CNTNAP3: variants seen among roughly 807,000 people sequenced by gnomAD.
CNTNAP3 encodes the protein contactin-associated protein-like 3.
CNTNAP3 carries 36 observed loss-of-function variants against 92.1 expected under a neutral mutation model. The observed-to-expected ratio is 0.39, with a 90% confidence interval of 0.30 to 0.52. The LOEUF is 0.52. Among genes scored for constraint, CNTNAP3 ranks in the 20% least tolerant of loss-of-function variants. The pLI is 0.76. For missense variants in CNTNAP3, 534 were observed against 1,069.6 expected (o/e 0.50, Z 6.98); for synonymous variants, 232 against 422.3 (o/e 0.55, Z 5.53).
chr9:39,095,373 T>A (rs1421230070), intron 18 of CNTNAP3, among the ~76,000 whole-genome samples: 1 of 151,568 alleles, frequency 6.6e-6, no homozygotes, highest in African/African-American at 2.4e-5. Context: ...TAAATAGAGG[T>A]GGTAAAACTG....
chr9:39,127,090 A>G lies in CNTNAP3; in HGVS notation c.2080+5842T>C, dbSNP rs1358168491. ...TAAGCATAATGGAATCAAACTGGAAATCAATACCAGAAAGAGAAAAAGAAA... is the reference window on the plus strand; with the variant it reads ...TAAGCATAATGGAATCAAACTGGAAGTCAATACCAGAAAGAGAAAAAGAAA... On this transcript the variant is annotated intron_variant, in intron 13 of 23. Transcript: ENST00000297668. 7.9e-5 allele frequency among the ~76,000 whole-genome samples: 12 copies of G among 152,248 alleles called. 1 individual carries two copies. Among genetic ancestry groups the G allele is most frequent in the Middle Eastern group, 3.4e-3 (1 of 294 alleles).
intron 13 of CNTNAP3, among the ~76,000 whole-genome samples, chr9:39,132,445 G>A: frequency 6.6e-6 from 1 of 152,066 alleles, no homozygotes; most frequent in Non-Finnish European, 1.5e-5. Flanking sequence ...AATAACCCTA[G>A]TCATTATTTC....
At chr9:39,133,750 GATTA>G (rs1331354397) in intron 12 of CNTNAP3, among the ~76,000 whole-genome samples, 1 of 151,686 alleles carries the variant, frequency 6.6e-6, no homozygotes, top group Admixed American at 6.6e-5. Flanking sequence ...TCTGTCACTT[GATTA>G]CTTATATTGT....
intron 10 of CNTNAP3, among the ~76,000 whole-genome samples, chr9:39,146,589 T>C (rs369562952): frequency 1.3e-5 from 2 of 151,748 alleles, no homozygotes; most frequent in East Asian, 3.9e-4. Context: ...CTCGGGAGGC[T>C]GAGGCACGAG....
chr9:39,081,315 TG>T, intron 21 of CNTNAP3, among the ~76,000 whole-genome samples: 1 of 152,088 alleles, frequency 6.6e-6, no homozygotes, highest in South Asian at 2.1e-4. Context: ...CATGGCAACA[TG>T]GTCAAAACCC....
chr9:39,097,836 T>C (rs1826360836), intron 18 of CNTNAP3, among the ~76,000 whole-genome samples: 1 of 149,780 alleles, frequency 6.7e-6, no homozygotes, highest in Non-Finnish European at 1.5e-5. Context: ...TCATTTGATG[T>C]ATTTCCTTAG....
intron 12 of CNTNAP3, among the ~76,000 whole-genome samples, chr9:39,137,499 G>T (rs1035913661): frequency 1.3e-5 from 2 of 151,872 alleles, no homozygotes; most frequent in Non-Finnish European, 2.9e-5. Context: ...ATCTGACTCT[G>T]GTTTTTGTTT....
At position 39,099,902 on chromosome 9, in the gene CNTNAP3, C is replaced by T; in HGVS notation, c.2995+9G>A. 6.2e-7 allele frequency: 1 copy of T among 1,610,526 alleles called. No homozygotes were observed. Among genetic ancestry groups the T allele is most frequent in the Non-Finnish European group, 8.5e-7 (1 of 1,179,080 alleles). Reference sequence around the variant, plus strand: ...CTTTCCCTATAACCTGCTCCTTGGTCACACTTACCATTGGAGCAGAACGGC... The same window carrying T: ...CTTTCCCTATAACCTGCTCCTTGGTTACACTTACCATTGGAGCAGAACGGC... On this transcript the variant is annotated intron_variant, in intron 18 of 23. Transcript: ENST00000297668.
At chr9:39,120,661 T>C (rs866234178) in intron 13 of CNTNAP3, among the ~76,000 whole-genome samples, 33 of 152,124 alleles carry the variant, frequency 2.2e-4, no homozygotes, top group Admixed American at 5.9e-4. Flanking sequence ...CAGAGTGAGA[T>C]TCCATCTCCA....
intron 9 of CNTNAP3, chr9:39,159,641 TAGATAGATAGATAGATAGATAGATAG>T (rs1433330604): frequency 1.5e-5 from 2 of 137,324 alleles, no homozygotes; most frequent in African/African-American, 3.1e-5. Context: ...GATAGATAGA[TAGATAGATAGATAGATAGATAGATAG>T]ATAGATATAT....
chr9:39,286,039 TG>T (rs1454647692), intron 1 of CNTNAP3, among the ~76,000 whole-genome samples: 1 of 30,498 alleles, frequency 3.3e-5, no homozygotes, highest in African/African-American at 6.4e-5. Context: ...AAGAATTACT[TG>T]ATCTAAAAGG....
intron 13 of CNTNAP3, among the ~76,000 whole-genome samples, chr9:39,123,682 C>T (rs1233765196): frequency 4.6e-5 from 7 of 151,774 alleles, no homozygotes; most frequent in Non-Finnish European, 2.9e-5. Flanking sequence ...CGAAATAAAC[C>T]AGAGTAAAAT....
chr9:39,115,496 C>T (rs1033527686), intron 14 of CNTNAP3, among the ~76,000 whole-genome samples: 3 of 107,828 alleles, frequency 2.8e-5, no homozygotes, highest in Admixed American at 1.1e-4. Flanking sequence ...CACCCCCATA[C>T]ACACCCCCAC....
At chr9:39,095,287 C>T (rs540355252) in intron 18 of CNTNAP3, among the ~76,000 whole-genome samples, 1 of 151,670 alleles carries the variant, frequency 6.6e-6, no homozygotes, top group African/African-American at 2.4e-5. Flanking sequence ...GAGAGATAGC[C>T]CTTCTATTGA....
chr9:39,086,671 A>C (rs1564069201), intron 20 of CNTNAP3, 45 bp downstream of exon 20: 2 of 1,584,304 alleles, frequency 1.3e-6, no homozygotes, highest in African/African-American at 2.8e-5. Flanking sequence ...TTTGTTCTTA[A>C]AATAATAATA....
At chr9:39,081,108 T>C (rs1406975140) in intron 21 of CNTNAP3, among the ~76,000 whole-genome samples, 2 of 151,778 alleles carry the variant, frequency 1.3e-5, no homozygotes, top group Non-Finnish European at 2.9e-5. Flanking sequence ...CTGGAAAATC[T>C]GAAAGAAAGG....
Position 39,272,701 on chromosome 9 carries a change from A to G in CNTNAP3, c.86-5695T>C, listed in dbSNP as rs1270216499. On this transcript the variant is annotated intron_variant, in intron 1 of 23. Coordinates refer to ENST00000297668, the MANE Select transcript of CNTNAP3 (RefSeq NM_033655.5). Reference sequence around the variant, plus strand: ...CCACAGCTGTGGGAATATAAGTGATAAAGATGAGCTGCTAATAAAGGGCAA... The same window carrying G: ...CCACAGCTGTGGGAATATAAGTGATGAAGATGAGCTGCTAATAAAGGGCAA... 7.0e-5 allele frequency among the ~76,000 whole-genome samples: 2 copies of G among 28,704 alleles called. 1 individual carries two copies. The highest frequency in any genetic ancestry group is 1.3e-4 in the African/African-American group (2 of 14,832). 18.8% of individuals were successfully genotyped at this position (28,704 alleles called of 152,430 possible).
At chr9:39,100,791 G>T (rs1425564917) in intron 17 of CNTNAP3, among the ~76,000 whole-genome samples, 1 of 150,750 alleles carries the variant, frequency 6.6e-6, no homozygotes, top group African/African-American at 2.4e-5. Flanking sequence ...GAATGCTGAA[G>T]AAACCATTTA....
chr9:39,103,650 C>T, intron 16 of CNTNAP3, 94 bp downstream of exon 16: 2 of 1,357,892 alleles, frequency 1.5e-6, no homozygotes, highest in Non-Finnish European at 2.0e-6. Flanking sequence ...AATAGAATCA[C>T]AAAATAAGAA....
Sources: gnomAD v4.1 joint callset for allele counts (sites outside exome capture counted in the v4.1 genomes callset) on GRCh38, gnomAD v4.1.1 for gene constraint, MANE v1.5 for transcripts, NCBI Gene and HGNC (gene_info 2026-07-23, HGNC 2026-07-21) for gene names.